Variants in GLIS1 observed in about 807,000 individuals in gnomAD.
GLIS1 encodes the protein zinc finger protein GLIS1.
A neutral mutation model predicts 63.8 loss-of-function variants in GLIS1; 24 were observed. That is an observed-to-expected ratio of 0.38 (90% confidence interval 0.27 to 0.53). The LOEUF (loss-of-function observed/expected upper bound fraction) is 0.53, where lower values mean the gene tolerates loss of function less well. Ranked by LOEUF, GLIS1 falls within the 20% of genes least tolerant of loss-of-function variation. The probability of loss-of-function intolerance (pLI) is 0.85; values close to 1 mark genes in which losing one functional copy is unlikely to be tolerated. For synonymous variants in GLIS1, 450 were observed against 482.5 expected (o/e 0.93, Z 0.88); for missense variants, 1,036 against 1,074.1 (o/e 0.96, Z 0.50).
chr1:53,559,383 T>C (rs761277101), intron 4 of GLIS1, among the ~76,000 whole-genome samples: 8 of 152,120 alleles, frequency 5.3e-5, no homozygotes, highest in Non-Finnish European at 8.8e-5. Flanking sequence ...GGTTTTGGAC[T>C]CTGAGATGGA....
intron 2 of GLIS1, among the ~76,000 whole-genome samples, chr1:53,675,883 T>C (rs1488839792): frequency 1.5e-5 from 2 of 134,440 alleles, no homozygotes; most frequent in Non-Finnish European, 3.2e-5. Flanking sequence ...CAGCGGCTCC[T>C]ACCCCACCCC....
intron 10 of GLIS1, among the ~76,000 whole-genome samples, chr1:53,507,896 C>T (rs1644252158): frequency 6.6e-6 from 1 of 152,196 alleles, no homozygotes; most frequent in Non-Finnish European, 1.5e-5. Flanking sequence ...GCCCACAGTG[C>T]TGGGCACCTC....
At chr1:53,524,707 G>T in intron 6 of GLIS1, 70 bp downstream of exon 6, 1 of 1,042,056 alleles carries the variant, frequency 9.6e-7, no homozygotes, top group Non-Finnish European at 1.5e-6. Flanking sequence ...TGTTGAGGGT[G>T]GGCACCTGGC....
At chr1:53,731,304 G>A (rs887349010) in intron 2 of GLIS1, among the ~76,000 whole-genome samples, 9 of 152,200 alleles carry the variant, frequency 5.9e-5, no homozygotes, top group Admixed American at 3.3e-4. Context: ...AGGGGGAGAG[G>A]AGCAGTGCCC....
intron 2 of GLIS1, among the ~76,000 whole-genome samples, chr1:53,640,711 T>C (rs1645777955): frequency 2.6e-5 from 4 of 152,180 alleles, no homozygotes; most frequent in Admixed American, 2.0e-4. Flanking sequence ...GTAAGTAACG[T>C]GCCCAAAGTC....
intron 2 of GLIS1, among the ~76,000 whole-genome samples, chr1:53,715,690 A>G (rs1275120749): frequency 6.6e-6 from 1 of 152,112 alleles, no homozygotes; most frequent in African/African-American, 2.4e-5. Flanking sequence ...CTGCCGGTGC[A>G]GGGAGACAGC....
At chr1:53,510,437 C>T (rs1226055511) in intron 8 of GLIS1, among the ~76,000 whole-genome samples, 1 of 152,222 alleles carries the variant, frequency 6.6e-6, no homozygotes, top group Non-Finnish European at 1.5e-5. Flanking sequence ...CGGCTCTCTG[C>T]CTCGTGCATG....
chr1:53,737,280 G>A (rs1213549000), intron 2 of GLIS1, among the ~76,000 whole-genome samples: 6 of 152,206 alleles, frequency 3.9e-5, no homozygotes, highest in African/African-American at 1.4e-4. Flanking sequence ...AAGTTAGGAC[G>A]TGACTAGGCT....
At chr1:53,586,275 T>C (rs185872510) in intron 4 of GLIS1, among the ~76,000 whole-genome samples, 2 of 151,034 alleles carry the variant, frequency 1.3e-5, no homozygotes, top group Admixed American at 6.6e-5. Flanking sequence ...AGAAAGGACA[T>C]TGGCATCTGT....
chr1:53,656,870 T>C (rs1305461089), intron 2 of GLIS1, among the ~76,000 whole-genome samples: 2 of 152,340 alleles, frequency 1.3e-5, no homozygotes, highest in East Asian at 3.9e-4. Flanking sequence ...GGCAGAGGCA[T>C]GCCGCCAGGC....
intron 5 of GLIS1, among the ~76,000 whole-genome samples, chr1:53,528,236 C>T (rs72675173): frequency 0.015 from 2,230 of 152,334 alleles, 22 homozygotes; most frequent in Non-Finnish European, 0.023. Context: ...GACAATGAAG[C>T]TGAGAAGGGG....
At chr1:53,680,289 C>A (rs1646260340) in intron 2 of GLIS1, among the ~76,000 whole-genome samples, 1 of 152,098 alleles carries the variant, frequency 6.6e-6, no homozygotes, top group Non-Finnish European at 1.5e-5. Flanking sequence ...TAGATAGGAA[C>A]ACGGAGGCCC....
intron 2 of GLIS1, among the ~76,000 whole-genome samples, chr1:53,696,587 A>C (rs1162177072): frequency 2.6e-5 from 4 of 152,058 alleles, no homozygotes; most frequent in Non-Finnish European, 5.9e-5. Context: ...CTACAGGAAA[A>C]TAAATCAAAC....
At chr1:53,628,444 G>A (rs1645618764) in intron 2 of GLIS1, among the ~76,000 whole-genome samples, 3 of 152,254 alleles carry the variant, frequency 2.0e-5, no homozygotes, top group South Asian at 2.1e-4. Context: ...CACTCGACAC[G>A]CTTTTGAATG....
At chr1:53,629,412 A>G (rs1265281844) in intron 2 of GLIS1, among the ~76,000 whole-genome samples, 4 of 151,942 alleles carry the variant, frequency 2.6e-5, no homozygotes, top group African/African-American at 7.3e-5. Context: ...CCTACCCCAC[A>G]CTGTTAATTC....
At chr1:53,686,408 C>T (rs1354967419) in intron 2 of GLIS1, among the ~76,000 whole-genome samples, 2 of 152,188 alleles carry the variant, frequency 1.3e-5, no homozygotes, top group African/African-American at 4.8e-5. Context: ...TGTTCTCATC[C>T]GCAGTGCTTT....
intron 2 of GLIS1, among the ~76,000 whole-genome samples, chr1:53,601,995 G>A (rs571315405): frequency 2.2e-4 from 33 of 152,276 alleles, no homozygotes; most frequent in African/African-American, 7.5e-4. Flanking sequence ...CAGGTGAGGT[G>A]CTCATATGGG....
At position 53,594,651 on chromosome 1, in the gene GLIS1, G is replaced by A. The variant is rs139141005; in HGVS notation, c.777C>T (p.Ser259=). Residue 259 remains serine (S), a synonymous_variant, in exon 4 of 11, where the codon TCC becomes TCT. Coordinates refer to ENST00000628545, the MANE Select transcript of GLIS1 (RefSeq NM_001367484.1). ...SPASSSPCAS[S]DVTSIIRSSQ... The stretch of plus-strand genomic sequence containing the variant: ...AGGAGCGGATGATGGAGGTGACGTC[G>A]GAGGAGGCACAGGGTGAGGAGGAGG... The A allele has an allele frequency of 1.9e-5, 29 of 1,557,776 alleles. No homozygotes were observed. Among genetic ancestry groups the A allele is most frequent in the South Asian group, 1.1e-4 (9 of 82,132 alleles).
At chr1:53,509,539 G>A (rs558083014) in intron 9 of GLIS1, among the ~76,000 whole-genome samples, 15 of 152,262 alleles carry the variant, frequency 9.9e-5, no homozygotes, top group African/African-American at 3.1e-4. Context: ...TGAGTCACCC[G>A]TGGCTGATGC....
Sources: gnomAD v4.1 joint callset for allele counts (sites outside exome capture counted in the v4.1 genomes callset) on GRCh38, gnomAD v4.1.1 for gene constraint, MANE v1.5 for transcripts, NCBI Gene and HGNC (gene_info 2026-07-23, HGNC 2026-07-21) for gene names.